The following PARD3B variants were observed in gnomAD, a reference collection of about 807,000 sequenced individuals.
PARD3B encodes partitioning defective 3 homolog B.
In PARD3B, 103 loss-of-function variants were observed where a neutral mutation model predicts 130.2. The observed-to-expected ratio is 0.79, with a 90% CI of 0.67 to 0.93. The LOEUF (loss-of-function observed/expected upper bound fraction) is 0.93. Among genes scored for constraint, PARD3B ranks in the 40% least tolerant of loss-of-function variants. PARD3B has a pLI of 0.00. For missense variants in PARD3B, 1,609 were observed against 1,499.2 expected (o/e 1.07, Z -1.21); for synonymous variants, 583 against 553.2 (o/e 1.05, Z -0.76).
intron 1 of PARD3B, among the ~76,000 whole-genome samples, chr2:204,627,208 C>T (rs1215340366): frequency 6.6e-6 from 1 of 152,116 alleles, no homozygotes. Context: ...AAACCTCTTT[C>T]CTTTATAAAT....
chr2:205,061,645 C>T (rs1700071592), intron 4 of PARD3B, among the ~76,000 whole-genome samples: 1 of 151,990 alleles, frequency 6.6e-6, no homozygotes, highest in African/African-American at 2.4e-5. Flanking sequence ...GAGTAATCTG[C>T]ATTAAAAGCT....
At chr2:204,882,487 A>T (rs570541516) in intron 2 of PARD3B, among the ~76,000 whole-genome samples, 3 of 152,278 alleles carry the variant, frequency 2.0e-5, no homozygotes, top group East Asian at 3.9e-4. Flanking sequence ...TGACTGCAAA[A>T]GCTTTATTTG....
At chr2:205,044,675 T>G (rs1365231986) in intron 3 of PARD3B, among the ~76,000 whole-genome samples, 1 of 152,180 alleles carries the variant, frequency 6.6e-6, no homozygotes, top group Non-Finnish European at 1.5e-5. Flanking sequence ...TAAATTTGTT[T>G]GAGTTCATCA....
Position 205,176,854 on chromosome 2 carries a change from A to G in PARD3B, c.1924+277A>G, listed in dbSNP as rs540799014. ...AAAACAAACGATCACTGGAGAATCA[A>G]AGATGGCAAACTGTTATTTTTAAGC... is the stretch of plus-strand genomic sequence containing the variant. On this transcript the variant is annotated intron_variant, in intron 13 of 22. Transcript: ENST00000406610. This position sits in a 1 kb window ranked among gnomAD's most constrained non-coding sequence, Gnocchi z 5.3. Among the ~76,000 whole-genome samples the G allele has an allele frequency of 3.3e-5, 5 of 152,240 alleles. No homozygotes were observed. The South Asian group carries it at 8.3e-4, about 25-fold the overall frequency.
chr2:205,237,353 C>T (rs1297418062), intron 15 of PARD3B, among the ~76,000 whole-genome samples: 4 of 152,136 alleles, frequency 2.6e-5, no homozygotes, highest in African/African-American at 9.7e-5. Context: ...CCACCCGACT[C>T]GGCCTCCCAA....
At chr2:205,113,912 A>G (rs1304956666) in intron 6 of PARD3B, among the ~76,000 whole-genome samples, 3 of 152,154 alleles carry the variant, frequency 2.0e-5, no homozygotes, top group African/African-American at 4.8e-5. Flanking sequence ...GAATTTTTTA[A>G]TATTCCAGAA....
intron 21 of PARD3B, among the ~76,000 whole-genome samples, chr2:205,506,210 G>C (rs2050358731): frequency 6.6e-6 from 1 of 152,120 alleles, no homozygotes; most frequent in African/African-American, 2.4e-5. Flanking sequence ...GTGCACACCT[G>C]TAGTCCCAGC....
chr2:205,109,376 T>C (rs1703460163), intron 5 of PARD3B, among the ~76,000 whole-genome samples: 1 of 152,230 alleles, frequency 6.6e-6, no homozygotes, highest in Non-Finnish European at 1.5e-5. Context: ...TCTCTCTGCA[T>C]GTCAGCAGTC....
At chr2:205,294,665 T>G (rs2041724873) in intron 16 of PARD3B, among the ~76,000 whole-genome samples, 1 of 152,186 alleles carries the variant, frequency 6.6e-6, no homozygotes, top group Non-Finnish European at 1.5e-5. Context: ...TATGCAAATG[T>G]ATGAATCTTA....
intron 21 of PARD3B, among the ~76,000 whole-genome samples, chr2:205,540,925 A>G (rs1356236641): frequency 6.6e-6 from 1 of 152,234 alleles, no homozygotes; most frequent in Non-Finnish European, 1.5e-5. Flanking sequence ...GAAGGAAATT[A>G]TGTTGGTGAA....
chr2:204,620,069 T>G (rs1363043543), intron 1 of PARD3B, among the ~76,000 whole-genome samples: 1 of 152,168 alleles, frequency 6.6e-6, no homozygotes, highest in Non-Finnish European at 1.5e-5. Context: ...TGGTGTGATC[T>G]CAGCTTACTG....
At chr2:204,962,561 A>T (rs991963005) in intron 2 of PARD3B, among the ~76,000 whole-genome samples, 36 of 152,154 alleles carry the variant, frequency 2.4e-4, no homozygotes, top group African/African-American at 7.7e-4. Context: ...GAGGGACTAG[A>T]ACAGTGGTTT....
At chr2:205,166,788 C>T (rs2034845392) in intron 11 of PARD3B, among the ~76,000 whole-genome samples, 1 of 152,134 alleles carries the variant, frequency 6.6e-6, no homozygotes, top group South Asian at 2.1e-4. Flanking sequence ...TGGGGTCCAG[C>T]CCTATTCCAG....
chr2:205,196,898 C>T (rs1268694443), intron 15 of PARD3B, among the ~76,000 whole-genome samples: 1 of 152,046 alleles, frequency 6.6e-6, no homozygotes, highest in Non-Finnish European at 1.5e-5. Context: ...ACAGGATAAT[C>T]TTCCTTTAAT....
chr2:205,593,861 A>G (rs756173750), intron 22 of PARD3B, among the ~76,000 whole-genome samples: 3 of 152,228 alleles, frequency 2.0e-5, no homozygotes, highest in Non-Finnish European at 4.4e-5. Flanking sequence ...TCCTAATTGT[A>G]GCCTCATAGA....
chr2:205,170,947 A>G (rs1432785977), intron 11 of PARD3B, among the ~76,000 whole-genome samples: 1 of 152,226 alleles, frequency 6.6e-6, no homozygotes, highest in African/African-American at 2.4e-5. Context: ...TTGTCGTGGA[A>G]GAACTAAAGA....
intron 2 of PARD3B, among the ~76,000 whole-genome samples, chr2:204,796,977 C>A (rs1004055114): frequency 1.3e-5 from 2 of 151,952 alleles, no homozygotes; most frequent in Non-Finnish European, 2.9e-5. Context: ...GAGTTCGAGA[C>A]CAGCCTGGCC....
At chr2:205,338,864 T>A (rs2043413183) in intron 18 of PARD3B, among the ~76,000 whole-genome samples, 2 of 152,118 alleles carry the variant, frequency 1.3e-5, no homozygotes, top group African/African-American at 4.8e-5. Context: ...TTATTTTAGG[T>A]ATTACATGAG....
At chr2:205,608,795 A>G (rs966211488) in intron 22 of PARD3B, among the ~76,000 whole-genome samples, 1 of 151,576 alleles carries the variant, frequency 6.6e-6, no homozygotes, top group Non-Finnish European at 1.5e-5. Flanking sequence ...GTCATTGTTT[A>G]AAAAAAAAGA....
Sources: gnomAD v4.1 joint callset for allele counts (sites outside exome capture counted in the v4.1 genomes callset) on GRCh38, gnomAD v4.1.1 for gene constraint, Gnocchi (gnomAD v3.1) non-coding constraint, MANE v1.5 for transcripts, NCBI Gene and HGNC (gene_info 2026-07-23, HGNC 2026-07-21) for gene names.